Variants in KHDRBS2 observed in about 807,000 individuals in gnomAD.
KHDRBS2 encodes KH RNA binding domain containing, signal transduction associated 2.
A neutral mutation model predicts 44.3 loss-of-function variants in KHDRBS2; 26 were observed. The observed-to-expected ratio is 0.59, with a 90% CI of 0.43 to 0.81. KHDRBS2 has a LOEUF of 0.81. Among genes scored for constraint, KHDRBS2 ranks in the 40% least tolerant of loss-of-function variants. The probability of loss-of-function intolerance (pLI) is 0.00; values close to 1 mark genes in which losing one functional copy is unlikely to be tolerated. For missense variants in KHDRBS2, 476 were observed against 433.1 expected, an observed-to-expected ratio of 1.10 and a Z score of -0.88; for synonymous variants, 194 against 151.1, an observed-to-expected ratio of 1.28 and a Z score of -2.08.
intron 2 of KHDRBS2, among the ~76,000 whole-genome samples, chr6:62,063,948 C>A (rs1432981593): frequency 6.8e-6 from 1 of 147,030 alleles, no homozygotes; most frequent in Non-Finnish European, 1.5e-5. Flanking sequence ...GATACAAAAT[C>A]AATGTACAAA....
chr6:62,238,027 T>C (rs998102489), intron 1 of KHDRBS2, among the ~76,000 whole-genome samples: 2 of 138,338 alleles, frequency 1.4e-5, no homozygotes, highest in Non-Finnish European at 3.0e-5. Flanking sequence ...CACTCCAGCC[T>C]AGGCAACAGG....
At chr6:61,704,239 C>G (rs1769128239) in intron 7 of KHDRBS2, among the ~76,000 whole-genome samples, 1 of 151,818 alleles carries the variant, frequency 6.6e-6, no homozygotes, top group African/African-American at 2.4e-5. Flanking sequence ...TACATTCAGT[C>G]TGTTTTTTAA....
chr6:61,698,433 G>T (rs115144161), intron 7 of KHDRBS2, among the ~76,000 whole-genome samples: 1 of 152,024 alleles, frequency 6.6e-6, no homozygotes, highest in Non-Finnish European at 1.5e-5. Flanking sequence ...ATCTGAACAC[G>T]TCTAAACATA....
the KHDRBS2 span, among the ~76,000 whole-genome samples, chr6:61,544,704 G>A: frequency 6.6e-6 from 1 of 151,996 alleles, no homozygotes. Context: ...TGATAGACTG[G>A]ATTAAGAAAA....
chr6:62,281,674 C>T (rs553802620), intron 1 of KHDRBS2, among the ~76,000 whole-genome samples: 1 of 152,206 alleles, frequency 6.6e-6, no homozygotes, highest in Admixed American at 6.5e-5. Context: ...ACAAGCATCA[C>T]AAGCAGAAGT....
chr6:61,603,375 T>G, the KHDRBS2 span, among the ~76,000 whole-genome samples: 1 of 152,140 alleles, frequency 6.6e-6, no homozygotes, highest in African/African-American at 2.4e-5. Flanking sequence ...ACTATTCCTT[T>G]GCATCCTTCA....
chr6:61,918,327 G>A (rs1807404302), intron 4 of KHDRBS2, among the ~76,000 whole-genome samples: 1 of 151,806 alleles, frequency 6.6e-6, no homozygotes, highest in South Asian at 2.1e-4. Context: ...TACATTATAA[G>A]GGACTATGCT....
chr6:61,941,076 C>CTGAGA (rs779883910), intron 4 of KHDRBS2, among the ~76,000 whole-genome samples: 2 of 152,180 alleles, frequency 1.3e-5, no homozygotes, highest in Non-Finnish European at 2.9e-5. Context: ...AATTGGGGGC[C>CTGAGA]TGAGAACAAG....
At chr6:61,761,209 A>T (rs1031249697) in intron 6 of KHDRBS2, among the ~76,000 whole-genome samples, 1 of 152,154 alleles carries the variant, frequency 6.6e-6, no homozygotes, top group Admixed American at 6.5e-5. Context: ...GCAAATCAGG[A>T]TGCAGATCAA....
intron 6 of KHDRBS2, among the ~76,000 whole-genome samples, chr6:61,741,430 T>G (rs1019898792): frequency 2.6e-5 from 4 of 152,082 alleles, no homozygotes; most frequent in Non-Finnish European, 5.9e-5. Context: ...GTTTTGAAAC[T>G]ATTTTATTAC....
the KHDRBS2 span, among the ~76,000 whole-genome samples, chr6:61,621,311 G>A: frequency 2.0e-5 from 3 of 152,196 alleles, no homozygotes; most frequent in Non-Finnish European, 4.4e-5. Context: ...ACAGATGGTG[G>A]AGTCATACAT....
chr6:62,059,205 T>G (rs1344217040), intron 2 of KHDRBS2, among the ~76,000 whole-genome samples: 4 of 108,186 alleles, frequency 3.7e-5, no homozygotes, highest in Admixed American at 1.0e-4. Context: ...GAAGTTTTTT[T>G]TTTTTTTTTT....
At chr6:61,610,046 G>T in the KHDRBS2 span, among the ~76,000 whole-genome samples, 1 of 152,078 alleles carries the variant, frequency 6.6e-6, no homozygotes, top group Admixed American at 6.5e-5. Context: ...CGTGGTGGTT[G>T]GTGCCTGTAG....
chr6:62,079,111 A>G (rs1174007115), intron 2 of KHDRBS2, among the ~76,000 whole-genome samples: 1 of 152,008 alleles, frequency 6.6e-6, no homozygotes, highest in Non-Finnish European at 1.5e-5. Flanking sequence ...ACAATAATTC[A>G]CCATGATCCA....
intron 2 of KHDRBS2, among the ~76,000 whole-genome samples, chr6:62,096,197 A>G (rs1378705406): frequency 6.6e-6 from 1 of 151,746 alleles, no homozygotes; most frequent in Non-Finnish European, 1.5e-5. Flanking sequence ...TCCTTGTCTC[A>G]TTTTGAAACC....
the KHDRBS2 span, among the ~76,000 whole-genome samples, chr6:61,567,136 T>A: frequency 6.6e-6 from 1 of 152,350 alleles, no homozygotes; most frequent in South Asian, 2.1e-4. Context: ...GGATGCTATC[T>A]GTTTCAATGA....
the KHDRBS2 span, among the ~76,000 whole-genome samples, chr6:61,552,419 C>A: frequency 6.6e-6 from 1 of 152,126 alleles, no homozygotes; most frequent in Non-Finnish European, 1.5e-5. Flanking sequence ...TGGGTGGAGA[C>A]TATGGGATTT....
intron 6 of KHDRBS2, among the ~76,000 whole-genome samples, chr6:61,811,386 A>G (rs1190759930): frequency 6.6e-6 from 1 of 152,086 alleles, no homozygotes; most frequent in Non-Finnish European, 1.5e-5. Flanking sequence ...TGTCTTTGCT[A>G]TTGTGAATAG....
At chr6:61,777,046 C>T (rs769235790) in intron 6 of KHDRBS2, among the ~76,000 whole-genome samples, 2 of 151,964 alleles carry the variant, frequency 1.3e-5, no homozygotes, top group Admixed American at 6.6e-5. Flanking sequence ...GGACAAAAAA[C>T]CAAACACCAC....
Sources: allele counts gnomAD v4.1 joint callset (sites outside exome capture counted in the v4.1 genomes callset), GRCh38; gene constraint gnomAD v4.1.1; transcripts MANE v1.5; gene names NCBI Gene and HGNC (gene_info 2026-07-23, HGNC 2026-07-21).